TRIM11: variants seen among roughly 807,000 people sequenced by gnomAD.
TRIM11 encodes the protein E3 ubiquitin-protein ligase TRIM11.
A neutral mutation model predicts 33.4 loss-of-function variants in TRIM11; 15 were observed. That is an observed-to-expected ratio of 0.45 (90% CI 0.30 to 0.69). TRIM11 has a LOEUF of 0.69. Ranked by LOEUF, TRIM11 falls within the 30% of genes least tolerant of loss-of-function variation. The pLI is 0.08. For missense variants in TRIM11, 499 were observed against 667.6 expected (o/e 0.75, Z 2.78); for synonymous variants, 281 against 302.6 (o/e 0.93, Z 0.74).
chr1:228,394,524 C>G lies in TRIM11; in HGVS notation c.*181G>C, dbSNP rs2074960544. The G allele has an allele frequency of 1.4e-6, 1 of 719,246 alleles. No individual in the cohort carries two copies. The highest frequency in any genetic ancestry group is 2.2e-5 in the South Asian group (1 of 46,428). 44.6% of individuals were successfully genotyped at this position (719,246 alleles called of 1,614,324 possible). The stretch of plus-strand genomic sequence containing the variant: ...GGGAGGACGGAGCCTGCCCCACACT[C>G]TCCCACAGTTTCCTGGAGTGCTAGA... On this transcript the variant is annotated 3_prime_UTR_variant, in exon 6 of 6. Transcript: ENST00000284551. The surrounding 1 kb of genome is among the most constrained non-coding windows in gnomAD (Gnocchi z 6.2).
At chr1:228,399,013 G>A (rs1195638250) in intron 3 of TRIM11, among the ~76,000 whole-genome samples, 2 of 152,096 alleles carry the variant, frequency 1.3e-5, no homozygotes, top group African/African-American at 2.4e-5. Context: ...GCTGAAGGGG[G>A]CAGCCAGGAC....
rs867496230 is a variant in TRIM11, at chr1:228,395,045, A to C, written c.1067T>G (p.Leu356Arg). 1 of 1,613,290 alleles carries C rather than the reference A, an allele frequency of 6.2e-7. No individual in the cohort carries two copies. Among genetic ancestry groups the C allele is most frequent in the Non-Finnish European group, 8.5e-7 (1 of 1,179,586 alleles). The change falls in exon 6 of 6, where the codon CTG becomes CGG. Residue 356 changes from leucine to arginine, a missense_variant. Transcript: ENST00000284551. This position sits in a 1 kb window ranked among gnomAD's most constrained non-coding sequence, Gnocchi z 4.8. ...GTTCACGTTCTCCCTGCACACCCCC[A>C]GGGCCCAGCTGGTGCGGTCCCCAAC... ...VEVGDRTSWA[L>R]GVCRENVNRK...
In TRIM11 at chr1:228,401,304, C is replaced by T. The variant is rs923225117; in HGVS notation, c.505-110G>A. ...AGAGGCCTGGCTGCACCCAACCCCA[C>T]CCCCGGGGCCTGCTAAAGCCAAAGC... On this transcript the variant is annotated intron_variant, in intron 2 of 5. Coordinates refer to ENST00000284551, the MANE Select transcript of TRIM11 (RefSeq NM_145214.3). This position sits in a 1 kb window ranked among gnomAD's most constrained non-coding sequence, Gnocchi z 6.1. 3 of 1,337,648 alleles carry T rather than the reference C, an allele frequency of 2.2e-6. No homozygotes were observed. In the South Asian group the frequency reaches 4.4e-5, roughly 20 times the overall value. 82.9% of individuals were successfully genotyped at this position (1,337,648 alleles called of 1,614,324 possible). A position where few individuals can be genotyped will look rare whatever the true frequency, so the allele number is the denominator to read the frequency against.
intron 1 of TRIM11, chr1:228,405,476 G>C (rs1279054686): frequency 6.6e-6 from 1 of 152,280 alleles, no homozygotes; most frequent in Non-Finnish European, 1.5e-5. Context: ...ACAGCGGGAG[G>C]GAGCGCAGGC....
At position 228,400,941 on chromosome 1, in the gene TRIM11, T is replaced by C. The variant is rs528797784; in HGVS notation, c.735+23A>G. 5 of 1,528,712 alleles carry C rather than the reference T, an allele frequency of 3.3e-6. No individual in the cohort carries two copies. In the East Asian group the frequency reaches 9.4e-5, roughly 29 times the overall value. 94.7% of individuals were successfully genotyped at this position (1,528,712 alleles called of 1,614,324 possible). ...CCAGGCCATGCCCGTGTGGCCACCA[T>C]GGCTGCTCCCCGCCCAGCTCACCTG... On this transcript the variant is annotated intron_variant, in intron 3 of 5. Coordinates refer to ENST00000284551, the MANE Select transcript of TRIM11 (RefSeq NM_145214.3). The surrounding 1 kb of genome is among the most constrained non-coding windows in gnomAD (Gnocchi z 4.5).
In TRIM11 at chr1:228,395,385, C is replaced by T; in HGVS notation, c.860-133G>A. 1.1e-6 allele frequency: 1 copy of T among 934,620 alleles called. No homozygotes were observed. Among genetic ancestry groups the T allele is most frequent in the Non-Finnish European group, 1.4e-6 (1 of 693,178 alleles). 57.9% of individuals were successfully genotyped at this position (934,620 alleles called of 1,614,324 possible). On this transcript the variant is annotated intron_variant, in intron 5 of 5. Transcript: ENST00000284551. This position sits in a 1 kb window ranked among gnomAD's most constrained non-coding sequence, Gnocchi z 4.8. ...TCTCTGCCCTGGGCCTGTAGCCTCA[C>T]AACCTCCTGGAGTAACTAACTGTCT...
Position 228,400,814 on chromosome 1 carries a change from G to A in TRIM11, c.735+150C>T. 1.4e-6 allele frequency: 2 copies of A among 1,397,368 alleles called. No homozygotes were observed. Among genetic ancestry groups the A allele is most frequent in the Middle Eastern group, 2.6e-4 (1 of 3,782 alleles). 86.6% of individuals were successfully genotyped at this position (1,397,368 alleles called of 1,614,324 possible). ...CCTGCTGCTGACTCAGCATTTCACA[G>A]GCAACAGCCAGGCACATCCAGCCAT... On this transcript the variant is annotated intron_variant, in intron 3 of 5. Transcript: ENST00000284551. This position sits in a 1 kb window ranked among gnomAD's most constrained non-coding sequence, Gnocchi z 4.5.
Position 228,406,082 on chromosome 1 carries a change from CT to C in TRIM11, c.408+71del. 1.6e-6 allele frequency: 2 copies of C among 1,269,978 alleles called. No individual in the cohort carries two copies. Among genetic ancestry groups the C allele is most frequent in the African/African-American group, 1.6e-5 (1 of 63,280 alleles). The allele number at this position is 1,269,978 out of a possible 1,614,324, so 78.7% of individuals were successfully genotyped here. A position where few individuals can be genotyped will look rare whatever the true frequency, so the allele number is the denominator to read the frequency against. On this transcript the variant is annotated intron_variant, in intron 1 of 5. Coordinates refer to ENST00000284551, the MANE Select transcript of TRIM11 (RefSeq NM_145214.3). This position sits in a 1 kb window ranked among gnomAD's most constrained non-coding sequence, Gnocchi z 8.2. ...TTACTCCCGGAGCAGTCCCCCAAACCTCCCACCCGCCCAGGCCTCCCCAGTC... is the reference window on the plus strand; with the variant it reads ...TTACTCCCGGAGCAGTCCCCCAAACCCCCACCCGCCCAGGCCTCCCCAGTC...
chr1:228,394,453 G>A lies in TRIM11; in HGVS notation c.*252C>T. On this transcript the variant is annotated 3_prime_UTR_variant, in exon 6 of 6. Transcript: ENST00000284551. The surrounding 1 kb of genome is among the most constrained non-coding windows in gnomAD (Gnocchi z 6.2). The stretch of plus-strand genomic sequence containing the variant: ...GCAATGGGGCTCCCAGCTTTGGTAA[G>A]GGCTGTTGGCATTAAGTGGCACCCG... 1 of 523,808 alleles carries A rather than the reference G, an allele frequency of 1.9e-6. No homozygotes were observed. The highest frequency in any genetic ancestry group is 3.2e-5 in the South Asian group (1 of 30,864). The allele number at this position is 523,808 out of a possible 1,614,324, so 32.4% of individuals were successfully genotyped here.
At chr1:228,405,605 T>A (rs1487705182) in intron 1 of TRIM11, 1 of 152,382 alleles carries the variant, frequency 6.6e-6, no homozygotes, top group Non-Finnish European at 1.5e-5. Flanking sequence ...TGGCTCCCAG[T>A]ACCCCACCCA....
At chr1:228,397,896 G>C (rs1446345090) in intron 3 of TRIM11, among the ~76,000 whole-genome samples, 1 of 152,218 alleles carries the variant, frequency 6.6e-6, no homozygotes, top group Admixed American at 6.5e-5. Flanking sequence ...GAGACCCTGT[G>C]AGGATACAGG....
At chr1:228,396,330 C>T (rs2074986761) in intron 5 of TRIM11, 1 of 343,330 alleles carries the variant, frequency 2.9e-6, no homozygotes, top group East Asian at 5.4e-5. Flanking sequence ...TCCACAAAGA[C>T]ACCTAAACAG....
rs144412805 is a variant in TRIM11, at chr1:228,398,326, A to G, written c.736-1161T>C. ...GTAGTTAATTCTGTCTAGGGGGACA[A>G]CAACACACTCTAGGCCCCAAAAATT... On this transcript the variant is annotated intron_variant, in intron 3 of 5. Coordinates refer to ENST00000284551, the MANE Select transcript of TRIM11 (RefSeq NM_145214.3). Among the ~76,000 whole-genome samples, 724 of 152,304 alleles carry G rather than the reference A, an allele frequency of 4.8e-3. 5 individuals carry two copies. The highest frequency in any genetic ancestry group is 0.017 in the African/African-American group (690 of 41,556).
In TRIM11 at chr1:228,394,555, G is replaced by C; in HGVS notation, c.*150C>G. The stretch of plus-strand genomic sequence containing the variant: ...CAGTTTCCTGGAGTGCTAGAATTGG[G>C]GTTCTCCCACGCAGGCTCAGAAAGG... On this transcript the variant is annotated 3_prime_UTR_variant, in exon 6 of 6. Coordinates refer to ENST00000284551, the MANE Select transcript of TRIM11 (RefSeq NM_145214.3). This position sits in a 1 kb window ranked among gnomAD's most constrained non-coding sequence, Gnocchi z 6.2. 1.1e-6 allele frequency: 1 copy of C among 871,488 alleles called. No homozygotes were observed. The highest frequency in any genetic ancestry group is 1.9e-5 in the South Asian group (1 of 52,360). 54.0% of individuals were successfully genotyped at this position (871,488 alleles called of 1,614,324 possible).
intron 5 of TRIM11, chr1:228,396,683 C>CA: frequency 2.8e-6 from 2 of 717,524 alleles, no homozygotes; most frequent in South Asian, 3.0e-5. Context: ...CCTGTAGTGT[C>CA]AGCACTGGCA....
intron 3 of TRIM11, among the ~76,000 whole-genome samples, chr1:228,399,889 AAC>A (rs1491184674): frequency 2.1e-5 from 3 of 140,224 alleles, no homozygotes; most frequent in Non-Finnish European, 3.0e-5. Flanking sequence ...CAAAAAAAAA[AAC>A]AAAAAAAAAA....
intron 1 of TRIM11, chr1:228,402,897 T>C (rs1365485857): frequency 3.9e-5 from 6 of 152,142 alleles, no homozygotes; most frequent in African/African-American, 1.4e-4. Flanking sequence ...ACATCTGCCA[T>C]GTGCAAACCA....
In TRIM11 at chr1:228,406,719, C is replaced by T. The variant is rs1656432385; in HGVS notation, c.-158G>A. The T allele has an allele frequency of 1.6e-6, 1 of 637,098 alleles. No homozygotes were observed. The highest frequency in any genetic ancestry group is 2.3e-6 in the Non-Finnish European group (1 of 441,182). 39.5% of individuals were successfully genotyped at this position (637,098 alleles called of 1,614,324 possible). A position where few individuals can be genotyped will look rare whatever the true frequency, so the allele number is the denominator to read the frequency against. ...TCCCGGGTGCTCGGGCTCCGGGGCGCGGGGACTCCAGGGCGCAGGACTCTG... is the reference window on the plus strand; with the variant it reads ...TCCCGGGTGCTCGGGCTCCGGGGCGTGGGGACTCCAGGGCGCAGGACTCTG... On this transcript the variant is annotated 5_prime_UTR_variant, in exon 1 of 6. Coordinates refer to ENST00000284551, the MANE Select transcript of TRIM11 (RefSeq NM_145214.3). The surrounding 1 kb of genome is among the most constrained non-coding windows in gnomAD (Gnocchi z 8.2).
chr1:228,399,680 T>C (rs972871609), intron 3 of TRIM11, among the ~76,000 whole-genome samples: 1 of 151,518 alleles, frequency 6.6e-6, no homozygotes, highest in African/African-American at 2.4e-5. Flanking sequence ...TATTCCTCAG[T>C]CTTTCTACAG....
Sources: allele counts gnomAD v4.1 joint callset (sites outside exome capture counted in the v4.1 genomes callset), GRCh38; gene constraint gnomAD v4.1.1; non-coding constraint Gnocchi (gnomAD v3.1); transcripts MANE v1.5; gene names NCBI Gene and HGNC (gene_info 2026-07-23, HGNC 2026-07-21).